Variants in MYH11 observed in about 807,000 individuals in gnomAD.
MYH11 encodes myosin heavy chain 11, also known as myosin-11.
A neutral mutation model predicts 246.6 loss-of-function variants in MYH11; 80 were observed. The observed-to-expected ratio is 0.32, with a 90% CI of 0.27 to 0.39. The LOEUF (loss-of-function observed/expected upper bound fraction) is 0.39. MYH11 is among the 10% of genes least tolerant of loss of function. The probability of loss-of-function intolerance (pLI) is 1.00; values close to 1 mark genes in which losing one functional copy is unlikely to be tolerated. For missense variants in MYH11, 2,158 were observed against 2,546.8 expected (o/e 0.85, Z 3.29); for synonymous variants, 1,071 against 1,015.5 (o/e 1.05, Z -1.04).
rs561105158 is a variant in MYH11 at position 15,782,421 on chromosome 16, G to A, written c.690C>T (p.Asn230=). The A allele has an allele frequency of 3.6e-5, 58 of 1,614,130 alleles. No individual in the cohort carries two copies. The African/African-American group carries it at 3.7e-4, about 10-fold the overall frequency. The part of the protein sequence containing the change: ...QANPILEAFG[N]AKTVKNDNSS... ...AGTTGTCGTTCTTCACTGTTTTGGC[G>A]TTGCCGAAAGCCTCCAGAATCGGGT... The change falls in exon 6 of 41, where the codon AAC becomes AAT. Residue 230 remains asparagine, a synonymous_variant. Coordinates refer to ENST00000300036, the MANE Select transcript of MYH11 (RefSeq NM_002474.3).
intron 24 of MYH11, 36 bp from the exon 25 acceptor site, chr16:15,737,656 C>A: frequency 3.1e-6 from 5 of 1,605,802 alleles, no homozygotes; most frequent in Non-Finnish European, 3.4e-6. Flanking sequence ...GAAGGGGAGG[C>A]CCCAGAGAGA....
intron 9 of MYH11, among the ~76,000 whole-genome samples, chr16:15,764,632 T>C (rs2041942005): frequency 6.6e-6 from 1 of 152,148 alleles, no homozygotes; most frequent in Non-Finnish European, 1.5e-5. Context: ...AGGATAATGA[T>C]TATCCTTAAT....
intron 3 of MYH11, among the ~76,000 whole-genome samples, chr16:15,801,337 T>G (rs899743450): frequency 1.3e-5 from 2 of 152,000 alleles, no homozygotes; most frequent in Non-Finnish European, 2.9e-5. Flanking sequence ...GGTAGCATAG[T>G]GTTATACCTT....
chr16:15,806,692 T>G (rs1312157802), intron 3 of MYH11, among the ~76,000 whole-genome samples: 1 of 152,220 alleles, frequency 6.6e-6, no homozygotes, highest in Non-Finnish European at 1.5e-5. Context: ...TTCCACTTCA[T>G]GCAGCTCTAT....
intron 3 of MYH11, among the ~76,000 whole-genome samples, chr16:15,799,463 T>C (rs1232803386): frequency 6.6e-6 from 1 of 152,170 alleles, no homozygotes; most frequent in Non-Finnish European, 1.5e-5. Flanking sequence ...AGCTCCTCCA[T>C]ACTCCCCTAC....
intron 3 of MYH11, among the ~76,000 whole-genome samples, chr16:15,814,553 C>CAAAAAAAAAAAAAAAAAAAAA (rs58806731): frequency 4.4e-5 from 1 of 22,816 alleles, no homozygotes; most frequent in Non-Finnish European, 1.2e-4. Flanking sequence ...AACTCCATCT[C>CAAAAAAAAAAAAAAAAAAAAA]AAAAAAAAAA....
chr16:15,776,306 A>G (rs1048234725), intron 7 of MYH11, 130 bp from the exon 8 acceptor site: 38 of 721,028 alleles, frequency 5.3e-5, no homozygotes, highest in Non-Finnish European at 2.5e-5. Flanking sequence ...GTAATGTCTA[A>G]CTTTGACCAT....
intron 3 of MYH11, among the ~76,000 whole-genome samples, chr16:15,799,466 T>G (rs533504550): frequency 1.3e-5 from 2 of 152,128 alleles, no homozygotes; most frequent in South Asian, 4.1e-4. Flanking sequence ...TCCTCCATAC[T>G]CCCCTACAAA....
chr16:15,732,341 C>G, intron 27 of MYH11: 1 of 638,910 alleles, frequency 1.6e-6, no homozygotes, highest in Non-Finnish European at 2.7e-6. Context: ...CTCAAGCGAT[C>G]CTCCCGCCTC....
intron 4 of MYH11, among the ~76,000 whole-genome samples, chr16:15,795,677 A>T (rs1285517321): frequency 2.0e-5 from 3 of 152,226 alleles, no homozygotes; most frequent in Non-Finnish European, 4.4e-5. Flanking sequence ...AAGGATTTTT[A>T]AAAAATAGTG....
At chr16:15,778,653 G>T in intron 7 of MYH11, 127 bp downstream of exon 7, 1 of 966,276 alleles carries the variant, frequency 1.0e-6, no homozygotes, top group Non-Finnish European at 1.7e-6. Flanking sequence ...GTTAAGGGGA[G>T]ATTTGTTCTG....
chr16:15,712,074 G>A (rs1475985751), intron 40 of MYH11, among the ~76,000 whole-genome samples: 1 of 152,122 alleles, frequency 6.6e-6, no homozygotes, highest in Non-Finnish European at 1.5e-5. Context: ...ACGTTAAGAA[G>A]GACCACGAGG....
intron 24 of MYH11, 85 bp from the exon 25 acceptor site, chr16:15,737,705 G>A (rs759674534): frequency 3.3e-5 from 49 of 1,487,708 alleles, no homozygotes; most frequent in Admixed American, 2.3e-4. Context: ...CATTTTACCC[G>A]GAGGAGATGA....
In MYH11 at chr16:15,823,501, G is replaced by A. The variant is rs1226167945; in HGVS notation, c.346-90C>T. 13 of 1,518,278 alleles carry A rather than the reference G, an allele frequency of 8.6e-6. 1 individual carries two copies. The South Asian group carries it at 1.0e-4, about 12-fold the overall frequency. 94.1% of individuals were successfully genotyped at this position (1,518,278 alleles called of 1,614,324 possible). A position where few individuals can be genotyped will look rare whatever the true frequency, so the allele number is the denominator to read the frequency against. On this transcript the variant is annotated intron_variant, in intron 2 of 40. Coordinates refer to ENST00000300036, the MANE Select transcript of MYH11 (RefSeq NM_002474.3). Reference sequence around the variant, plus strand: ...CTCAATATTCTCATGTTAGAGATGGGGAAACTGGAGCTTGGAGTCTTAGTG... The same window carrying A: ...CTCAATATTCTCATGTTAGAGATGGAGAAACTGGAGCTTGGAGTCTTAGTG...
At position 15,750,195 on chromosome 16, in the gene MYH11, C is replaced by T. The variant is rs541451054; in HGVS notation, c.2001G>A (p.Thr667=). Residue 667 remains threonine, a synonymous_variant, in exon 16 of 41, where the codon ACG becomes ACA. Transcript: ENST00000300036. This position sits in a 1 kb window ranked among gnomAD's most constrained non-coding sequence, Gnocchi z 4.3. The part of the protein sequence containing the change: ...YKEQLGKLMT[T]LRNTTPNFVR... Reference sequence around the variant, plus strand: ...CGAAGTTGGGCGTGGTGTTGCGTAGCGTGGTCATCAGCTTGCCCAGCTGCT... The same window carrying T: ...CGAAGTTGGGCGTGGTGTTGCGTAGTGTGGTCATCAGCTTGCCCAGCTGCT... The T allele has an allele frequency of 9.3e-6, 15 of 1,614,232 alleles. No individual in the cohort carries two copies. The highest frequency in any genetic ancestry group is 1.6e-4 in the Middle Eastern group (1 of 6,062).
chr16:15,740,056 A>C lies in MYH11; in HGVS notation c.2992T>G (p.Ser998Ala). 6.2e-7 allele frequency: 1 copy of C among 1,613,996 alleles called. No individual in the cohort carries two copies. The highest frequency in any genetic ancestry group is 8.5e-7 in the Non-Finnish European group (1 of 1,180,004). Residue 998 changes from serine to alanine, a missense_variant, in exon 23 of 41, where the codon TCA (serine) becomes GCA (alanine). This residue lies in a region of MYH11 where 284 missense variants were observed against 315.4 expected (regional missense o/e 0.90). Transcript: ENST00000300036. ...LVMDDQNNKLSKERKLLEERI... is the reference protein window; with the variant it reads ...LVMDDQNNKLAKERKLLEERI... ...TGCACCCGGCCCCTACTCACTTTTG[A>C]TAGTTTATTGTTCTGATCATCCATG... is the stretch of plus-strand genomic sequence containing the variant.
intron 3 of MYH11, among the ~76,000 whole-genome samples, chr16:15,811,616 C>G (rs774917794): frequency 1.4e-4 from 22 of 151,998 alleles, no homozygotes; most frequent in Non-Finnish European, 2.9e-4. Context: ...CTCTCTCTGC[C>G]TCTACTGGGG....
chr16:15,765,494 A>G (rs1052195442), intron 9 of MYH11, among the ~76,000 whole-genome samples: 9 of 152,080 alleles, frequency 5.9e-5, no homozygotes, highest in African/African-American at 1.9e-4. Context: ...TAGATGGATG[A>G]ATGGATGGAT....
At chr16:15,767,924 T>TAA (rs60729580) in intron 9 of MYH11, among the ~76,000 whole-genome samples, 1 of 146,594 alleles carries the variant, frequency 6.8e-6, no homozygotes, top group Admixed American at 6.8e-5. Flanking sequence ...TCTTGTCTTT[T>TAA]AAAAAAAAAA....
Sources: gnomAD v4.1 joint callset for allele counts (sites outside exome capture counted in the v4.1 genomes callset) on GRCh38, gnomAD v4.1.1 for gene constraint, gnomAD v4.1.1 regional missense constraint, Gnocchi (gnomAD v3.1) non-coding constraint, MANE v1.5 for transcripts, NCBI Gene and HGNC (gene_info 2026-07-23, HGNC 2026-07-21) for gene names.